Variants in DAP3 observed in about 807,000 individuals in gnomAD.
DAP3 encodes death associated protein 3, also known as small ribosomal subunit protein mS29.
DAP3 carries 28 observed loss-of-function variants against 51.9 expected under a neutral mutation model. That is an observed-to-expected ratio of 0.54 (90% CI 0.40 to 0.74). The LOEUF (loss-of-function observed/expected upper bound fraction) is 0.74, where lower values mean the gene tolerates loss of function less well. Ranked by LOEUF, DAP3 falls within the 30% of genes least tolerant of loss-of-function variation. The probability of loss-of-function intolerance (pLI) is 0.00; values close to 1 mark genes in which losing one functional copy is unlikely to be tolerated. For synonymous variants in DAP3, 170 were observed against 170.3 expected (o/e 1.00, Z 0.01); for missense variants, 458 against 483.5 (o/e 0.95, Z 0.49).
At chr1:155,711,210 C>T (rs907833420) in intron 2 of DAP3, among the ~76,000 whole-genome samples, 4 of 151,894 alleles carry the variant, frequency 2.6e-5, no homozygotes, top group East Asian at 1.9e-4. Flanking sequence ...TTTCCTCTCT[C>T]GGCCGGGCAC....
intron 1 of DAP3, among the ~76,000 whole-genome samples, chr1:155,704,901 C>T (rs1655750936): frequency 6.6e-6 from 1 of 152,130 alleles, no homozygotes; most frequent in Admixed American, 6.6e-5. Context: ...ACTGTTTGAA[C>T]TCGGGAAGTG....
intron 1 of DAP3, among the ~76,000 whole-genome samples, chr1:155,694,734 C>T (rs1236310125): frequency 6.6e-6 from 1 of 152,214 alleles, no homozygotes; most frequent in Non-Finnish European, 1.5e-5. Context: ...AGCTGGTTTT[C>T]TTCTGGGGAA....
chr1:155,724,038 C>CA (rs560166121), intron 4 of DAP3, among the ~76,000 whole-genome samples: 1,749 of 80,282 alleles, frequency 0.022, 27 homozygotes, highest in African/African-American at 0.042. Flanking sequence ...GACTCTGTCT[C>CA]AAAAAAAAAA....
chr1:155,688,118 G>A (rs756862707), upstream of DAP3: 2 of 1,611,422 alleles, frequency 1.2e-6, no homozygotes, highest in East Asian at 4.5e-5. Flanking sequence ...TGAGGAAGAG[G>A]GGGTGGCCGC....
intron 10 of DAP3, 65 bp downstream of exon 10, chr1:155,731,480 C>T (rs1408626024): frequency 6.7e-7 from 1 of 1,503,736 alleles, no homozygotes; most frequent in East Asian, 2.3e-5. Flanking sequence ...ACATGTTCTA[C>T]TATTTCATTG....
At position 155,720,153 on chromosome 1, in the gene DAP3, T is replaced by C. The variant is rs561987961; in HGVS notation, c.169-1364T>C. 3.4e-5 allele frequency among the ~76,000 whole-genome samples: 5 copies of C among 148,848 alleles called. No homozygotes were observed. In the South Asian group the frequency reaches 1.1e-3, roughly 32 times the overall value. On this transcript the variant is annotated intron_variant, in intron 3 of 12. Transcript: ENST00000368336. ...ACCTGGGCAACATAGCAAGACCTCA[T>C]CTCTACCAAAAAAGTAAAAAAATGA... is the stretch of plus-strand genomic sequence containing the variant.
chr1:155,690,832 T>G (rs1653700320), intron 1 of DAP3, among the ~76,000 whole-genome samples: 1 of 142,190 alleles, frequency 7.0e-6, no homozygotes, highest in African/African-American at 3.2e-5. Context: ...CTCAAGCTCC[T>G]TGGCTCAAGG....
intron 1 of DAP3, among the ~76,000 whole-genome samples, chr1:155,691,153 T>C (rs1334727676): frequency 7.1e-6 from 1 of 141,564 alleles, no homozygotes; most frequent in African/African-American, 3.2e-5. Flanking sequence ...ATGATCCACC[T>C]GCCTCAGCCT....
At chr1:155,737,479 T>C (rs1161254920) in intron 12 of DAP3, among the ~76,000 whole-genome samples, 1 of 152,230 alleles carries the variant, frequency 6.6e-6, no homozygotes, top group Non-Finnish European at 1.5e-5. Flanking sequence ...TGTCCTAGTA[T>C]ATGTACAGAA....
chr1:155,689,939 T>C (rs752275223), intron 1 of DAP3, among the ~76,000 whole-genome samples: 14 of 151,866 alleles, frequency 9.2e-5, no homozygotes, highest in Non-Finnish European at 7.4e-5. Flanking sequence ...GAAATAATAA[T>C]ATATGTAAAG....
intron 3 of DAP3, among the ~76,000 whole-genome samples, chr1:155,718,705 AAGATAGATAGATAGATAGAT>A (rs61332895): frequency 0.042 from 5,975 of 140,906 alleles, 151 homozygotes; most frequent in Non-Finnish European, 0.048. Context: ...AAAAGAAAGA[AAGATAGATAGATAGATAGAT>A]AGATAGATAG....
intron 9 of DAP3, among the ~76,000 whole-genome samples, chr1:155,730,163 A>G (rs953948179): frequency 1.3e-5 from 2 of 148,182 alleles, no homozygotes; most frequent in Non-Finnish European, 3.0e-5. Flanking sequence ...ATACGAATAT[A>G]CCTATATGTT....
At chr1:155,731,286 T>C in intron 9 of DAP3, 70 bp from the exon 10 acceptor site, 1 of 1,481,350 alleles carries the variant, frequency 6.8e-7, no homozygotes, top group South Asian at 1.2e-5. Flanking sequence ...AAAATTGTTG[T>C]CAATTGTTTC....
rs375483710 is a variant in DAP3, at chr1:155,716,632, T to C, written c.46-374T>C. Among the ~76,000 whole-genome samples the C allele has an allele frequency of 1.6e-3, 237 of 149,506 alleles. 2 individuals carry two copies. The highest frequency in any genetic ancestry group is 4.9e-3 in the African/African-American group (201 of 40,628). On this transcript the variant is annotated intron_variant, in intron 2 of 12. Transcript: ENST00000368336. The stretch of plus-strand genomic sequence containing the variant: ...CCTATTGCAGACATGGCTCACCTTC[T>C]CAGTGTTTTGGCAAGCATAAAAAGT...
rs768185601 is a variant in DAP3 at position 155,721,638 on chromosome 1, G to C, written c.270+20G>C. 4 of 1,612,232 alleles carry C rather than the reference G, an allele frequency of 2.5e-6. No individual in the cohort carries two copies. In the Admixed American group the frequency reaches 6.7e-5, roughly 27 times the overall value. On this transcript the variant is annotated intron_variant, in intron 4 of 12. Coordinates refer to ENST00000368336, the MANE Select transcript of DAP3 (RefSeq NM_004632.4). Reference sequence around the variant, plus strand: ...ATGCAGGTGCTCAAGACAGGGAATGGAATTGGAGGGAGCCCAGAATACAAG... The same window carrying C: ...ATGCAGGTGCTCAAGACAGGGAATGCAATTGGAGGGAGCCCAGAATACAAG...
At chr1:155,709,697 A>T in intron 1 of DAP3, 76 bp from the exon 2 acceptor site, 1 of 1,251,210 alleles carries the variant, frequency 8.0e-7, no homozygotes. Context: ...CTATTAATCT[A>T]TTGTCAGTTT....
intron 4 of DAP3, among the ~76,000 whole-genome samples, chr1:155,724,517 C>T (rs528063104): frequency 3.2e-4 from 48 of 151,594 alleles, no homozygotes; most frequent in African/African-American, 1.0e-3. Context: ...CCTGTAATCC[C>T]AGCTACTGAG....
In DAP3 at chr1:155,738,249, A is replaced by G. The variant is rs1660010840; in HGVS notation, c.*7A>G. ...GCACTGTGCCTACCTCTAAGCCAAG[A>G]TCACAGCATGTGAGGAAGACAGTGG... On this transcript the variant is annotated 3_prime_UTR_variant, in exon 13 of 13. Coordinates refer to ENST00000368336, the MANE Select transcript of DAP3 (RefSeq NM_004632.4). 1.2e-6 allele frequency: 2 copies of G among 1,614,038 alleles called. No homozygotes were observed. Among genetic ancestry groups the G allele is most frequent in the Non-Finnish European group, 1.7e-6 (2 of 1,180,022 alleles).
chr1:155,713,690 C>T (rs1249074235), intron 2 of DAP3, among the ~76,000 whole-genome samples: 2 of 152,134 alleles, frequency 1.3e-5, no homozygotes, highest in Non-Finnish European at 2.9e-5. Context: ...TAGAGACAAA[C>T]TTGGATGTCA....
Sources: allele counts gnomAD v4.1 joint callset (sites outside exome capture counted in the v4.1 genomes callset), GRCh38; gene constraint gnomAD v4.1.1; transcripts MANE v1.5; gene names NCBI Gene and HGNC (gene_info 2026-07-23, HGNC 2026-07-21).